EDARADD: variants seen among roughly 807,000 people sequenced by gnomAD.
EDARADD encodes ectodysplasin-A receptor-associated adapter protein.
EDARADD carries 20 observed loss-of-function variants against 25.6 expected under a neutral mutation model. The ratio of observed to expected loss-of-function variants is 0.78; its 90% confidence interval spans 0.55 to 1.14. The LOEUF (loss-of-function observed/expected upper bound fraction) is 1.14. Ranked by LOEUF, EDARADD falls within the 50% of genes most tolerant of loss-of-function variation. The probability of loss-of-function intolerance (pLI) is 0.00; values close to 1 mark genes in which losing one functional copy is unlikely to be tolerated. For synonymous variants in EDARADD, 86 were observed against 94.4 expected, an observed-to-expected ratio of 0.91 and a Z score of 0.52; for missense variants, 225 against 270.1, an observed-to-expected ratio of 0.83 and a Z score of 1.17.
At chr1:236,406,221 T>G (rs1322673227) in intron 1 of EDARADD, among the ~76,000 whole-genome samples, 1 of 152,052 alleles carries the variant, frequency 6.6e-6, no homozygotes, top group East Asian at 1.9e-4. Flanking sequence ...GAGAAGGGAC[T>G]TCGGGCTATT....
At chr1:236,480,790 C>T (rs574282698) in intron 5 of EDARADD, among the ~76,000 whole-genome samples, 8 of 152,220 alleles carry the variant, frequency 5.3e-5, no homozygotes, top group Non-Finnish European at 7.3e-5. Context: ...GACTTGTCAA[C>T]GCCTCTCACC....
intron 1 of EDARADD, among the ~76,000 whole-genome samples, chr1:236,404,388 A>G (rs1315015969): frequency 6.6e-6 from 1 of 152,154 alleles, no homozygotes; most frequent in Non-Finnish European, 1.5e-5. Context: ...TGGACCTGTG[A>G]GAACAAAAGG....
At chr1:236,480,230 A>G (rs1359046752) in intron 5 of EDARADD, among the ~76,000 whole-genome samples, 1 of 150,462 alleles carries the variant, frequency 6.6e-6, no homozygotes, top group Non-Finnish European at 1.5e-5. Flanking sequence ...TAACATCACA[A>G]ACATTTTCTA....
intron 5 of EDARADD, among the ~76,000 whole-genome samples, chr1:236,475,766 A>G (rs941047657): frequency 1.3e-5 from 2 of 151,202 alleles, no homozygotes; most frequent in Non-Finnish European, 2.9e-5. Context: ...CTCCGTCTCA[A>G]AAAAAAAGAA....
chr1:236,370,172 G>A (rs1206540944), intron 3 of EDARADD, among the ~76,000 whole-genome samples: 1 of 152,156 alleles, frequency 6.6e-6, no homozygotes, highest in Non-Finnish European at 1.5e-5. Context: ...TGTAATCCTA[G>A]AACTTTGGGA....
chr1:236,374,433 T>C (rs571332744), intron 3 of EDARADD, among the ~76,000 whole-genome samples: 2 of 152,186 alleles, frequency 1.3e-5, no homozygotes, highest in African/African-American at 4.8e-5. Flanking sequence ...CATGCCTGGC[T>C]AATTTTTTTA....
intron 3 of EDARADD, among the ~76,000 whole-genome samples, chr1:236,417,884 C>CA (rs1657679285): frequency 6.6e-6 from 1 of 150,666 alleles, no homozygotes; most frequent in Non-Finnish European, 1.5e-5. Flanking sequence ...TTTGATTATT[C>CA]AAAAAAATGT....
At chr1:236,408,115 G>A (rs559240962) in intron 1 of EDARADD, among the ~76,000 whole-genome samples, 1 of 152,160 alleles carries the variant, frequency 6.6e-6, no homozygotes, top group Non-Finnish European at 1.5e-5. Flanking sequence ...GTGGTTGTTT[G>A]TAACTCTGGG....
chr1:236,477,455 A>C (rs2103039908), intron 5 of EDARADD, among the ~76,000 whole-genome samples: 2 of 152,252 alleles, frequency 1.3e-5, no homozygotes, highest in Middle Eastern at 3.4e-3. Context: ...TCAGGATTTT[A>C]AGGTGTTGCG....
chr1:236,484,631 T>C lies in EDARADD; in HGVS notation c.*1982T>C, dbSNP rs1277679600. The stretch of plus-strand genomic sequence containing the variant: ...GAGTTCGCACCTCTTCCTTAGAACT[T>C]CTACAGAAGCAGGTTGCAGTGAGCC... On this transcript the variant is annotated 3_prime_UTR_variant, in exon 6 of 6. Coordinates refer to ENST00000334232, the MANE Select transcript of EDARADD (RefSeq NM_145861.4). This position sits in a 1 kb window ranked among gnomAD's most constrained non-coding sequence, Gnocchi z 4.1. 3.6e-6 allele frequency: 2 copies of C among 561,264 alleles called. No homozygotes were observed. Among genetic ancestry groups the C allele is most frequent in the Non-Finnish European group, 6.4e-6 (2 of 312,056 alleles). 34.8% of individuals were successfully genotyped at this position (561,264 alleles called of 1,614,324 possible). A position where few individuals can be genotyped will look rare whatever the true frequency, so the allele number is the denominator to read the frequency against.
intron 3 of EDARADD, among the ~76,000 whole-genome samples, chr1:236,361,729 T>C (rs1337586518): frequency 6.6e-6 from 1 of 151,380 alleles, no homozygotes; most frequent in African/African-American, 2.4e-5. Flanking sequence ...TCTATGTTGT[T>C]AGTATCAGTG....
At position 236,484,283 on chromosome 1, in the gene EDARADD, TG is replaced by T; in HGVS notation, c.*1638del. The T allele has an allele frequency of 2.0e-6, 2 of 1,023,282 alleles. No homozygotes were observed. The highest frequency in any genetic ancestry group is 3.1e-6 in the Non-Finnish European group (2 of 642,214). The allele number at this position is 1,023,282 out of a possible 1,614,324, so 63.4% of individuals were successfully genotyped here. A position where few individuals can be genotyped will look rare whatever the true frequency, so the allele number is the denominator to read the frequency against. On this transcript the variant is annotated 3_prime_UTR_variant, in exon 6 of 6. Coordinates refer to ENST00000334232, the MANE Select transcript of EDARADD (RefSeq NM_145861.4). The surrounding 1 kb of genome is among the most constrained non-coding windows in gnomAD (Gnocchi z 4.1). ...GGTGTGTCATGGTGCCTCATCATTC[TG>T]GGGAGACTGAAAATACCTTCATCAC...
intron 4 of EDARADD, among the ~76,000 whole-genome samples, chr1:236,434,293 G>A (rs947392733): frequency 6.6e-6 from 1 of 151,772 alleles, no homozygotes; most frequent in African/African-American, 2.4e-5. Context: ...GCTGGAGTGC[G>A]GTGGTGTGAT....
chr1:236,476,653 G>C (rs537021665), intron 5 of EDARADD, among the ~76,000 whole-genome samples: 1 of 151,870 alleles, frequency 6.6e-6, no homozygotes, highest in Non-Finnish European at 1.5e-5. Flanking sequence ...AGCCTCCCAA[G>C]TAGCTGGGAT....
chr1:236,459,027 A>G (rs1658962691), intron 4 of EDARADD, among the ~76,000 whole-genome samples: 1 of 152,174 alleles, frequency 6.6e-6, no homozygotes, highest in Non-Finnish European at 1.5e-5. Context: ...CTTTTCATAT[A>G]TGACAGATGA....
intron 4 of EDARADD, among the ~76,000 whole-genome samples, chr1:236,457,128 A>T (rs577320739): frequency 6.6e-6 from 1 of 152,314 alleles, no homozygotes; most frequent in South Asian, 2.1e-4. Flanking sequence ...AAGAAAAGCC[A>T]TAGTACTCTG....
At chr1:236,454,139 G>C (rs753581929) in intron 4 of EDARADD, among the ~76,000 whole-genome samples, 2 of 151,984 alleles carry the variant, frequency 1.3e-5, no homozygotes, top group East Asian at 1.9e-4. Context: ...TCCATCTCCC[G>C]GGTTCAAGCA....
chr1:236,399,560 G>A (rs113118244), intron 1 of EDARADD, among the ~76,000 whole-genome samples: 5 of 152,300 alleles, frequency 3.3e-5, no homozygotes, highest in African/African-American at 1.2e-4. Context: ...ACAGTCACAT[G>A]GAAGGAAAAC....
chr1:236,431,261 A>T (rs936511083), intron 4 of EDARADD, among the ~76,000 whole-genome samples: 16 of 152,194 alleles, frequency 1.1e-4, no homozygotes, highest in Non-Finnish European at 1.6e-4. Flanking sequence ...TTTTCGAGTG[A>T]TGCCGAGGAA....
Sources: gnomAD v4.1 joint callset for allele counts (sites outside exome capture counted in the v4.1 genomes callset) on GRCh38, gnomAD v4.1.1 for gene constraint, Gnocchi (gnomAD v3.1) non-coding constraint, MANE v1.5 for transcripts, NCBI Gene and HGNC (gene_info 2026-07-23, HGNC 2026-07-21) for gene names.